RBMS3: variants seen among roughly 807,000 people sequenced by gnomAD.
The protein encoded by RBMS3 is RNA binding motif single stranded interacting protein 3, also known as RNA-binding motif, single-stranded-interacting protein 3.
In RBMS3, 27 loss-of-function variants were observed where a neutral mutation model predicts 66.8. That is an observed-to-expected ratio of 0.40 (90% CI 0.30 to 0.56). The LOEUF (loss-of-function observed/expected upper bound fraction) is 0.56. Ranked by LOEUF, RBMS3 falls within the 20% of genes least tolerant of loss-of-function variation. The pLI, the probability that RBMS3 is intolerant of heterozygous loss-of-function variation, is 0.40. For synonymous variants in RBMS3, 188 were observed against 183.0 expected, an observed-to-expected ratio of 1.03 and a Z score of -0.22; for missense variants, 513 against 549.5, an observed-to-expected ratio of 0.93 and a Z score of 0.66.
At chr3:29,574,761 C>A (rs1321981455) in intron 3 of RBMS3, among the ~76,000 whole-genome samples, 1 of 151,334 alleles carries the variant, frequency 6.6e-6, no homozygotes, top group Non-Finnish European at 1.5e-5. Flanking sequence ...TACAGTGAGG[C>A]TTCCAAATAC....
At chr3:29,738,416 T>G (rs1167363309) in intron 4 of RBMS3, among the ~76,000 whole-genome samples, 1 of 152,224 alleles carries the variant, frequency 6.6e-6, no homozygotes, top group Non-Finnish European at 1.5e-5. Flanking sequence ...TGTCAAGTTT[T>G]TGACTGTTTT....
intron 6 of RBMS3, among the ~76,000 whole-genome samples, chr3:29,829,038 C>CTT (rs1553681271): frequency 1.3e-4 from 5 of 38,524 alleles, no homozygotes; most frequent in African/African-American, 4.5e-4. Flanking sequence ...TTCTTTCTTT[C>CTT]TTTCTTTCTT....
At chr3:29,850,247 G>A (rs999826082) in intron 6 of RBMS3, among the ~76,000 whole-genome samples, 2 of 152,154 alleles carry the variant, frequency 1.3e-5, no homozygotes, top group Non-Finnish European at 2.9e-5. Context: ...TGTTCTGTTA[G>A]TTTCTTTAAG....
chr3:29,670,485 G>T (rs748551953), intron 4 of RBMS3, among the ~76,000 whole-genome samples: 2 of 152,168 alleles, frequency 1.3e-5, no homozygotes, highest in East Asian at 3.9e-4. Flanking sequence ...AGGGGTCAGG[G>T]AATTCCCTCT....
intron 3 of RBMS3, among the ~76,000 whole-genome samples, chr3:29,525,646 C>T (rs901529437): frequency 6.6e-6 from 1 of 152,218 alleles, no homozygotes; most frequent in African/African-American, 2.4e-5. Flanking sequence ...TCCACTCCCA[C>T]TATGGCTCAA....
intron 2 of RBMS3, among the ~76,000 whole-genome samples, chr3:29,458,355 C>G (rs2042263312): frequency 6.6e-6 from 1 of 152,254 alleles, no homozygotes; most frequent in South Asian, 2.1e-4. Flanking sequence ...CGTAATGACT[C>G]ATGGTTTATT....
At chr3:29,695,855 C>T (rs1391379434) in intron 4 of RBMS3, among the ~76,000 whole-genome samples, 1 of 152,184 alleles carries the variant, frequency 6.6e-6, no homozygotes, top group African/African-American at 2.4e-5. Flanking sequence ...TAAACCAGTT[C>T]CCACAGTAAA....
At chr3:29,765,558 T>G (rs1488880673) in intron 6 of RBMS3, among the ~76,000 whole-genome samples, 2 of 152,102 alleles carry the variant, frequency 1.3e-5, no homozygotes, top group African/African-American at 4.8e-5. Context: ...TTGACATATT[T>G]GAATTCAGAA....
rs1699747474 is a variant in RBMS3 at position 30,004,539 on chromosome 3, C to A, written c.*677C>A. ...TTTTTAGGGTGAAGAAAAAACTGTA[C>A]AGTTTAAATGAAAATGTTTTTCTTC... On this transcript the variant is annotated 3_prime_UTR_variant, in exon 15 of 15. Transcript: ENST00000383767. 6.6e-6 allele frequency: 1 copy of A among 152,008 alleles called. No individual in the cohort carries two copies. The highest frequency in any genetic ancestry group is 1.5e-5 in the Non-Finnish European group (1 of 67,738). 9.4% of individuals were successfully genotyped at this position (152,008 alleles called of 1,614,324 possible).
intron 1 of RBMS3, among the ~76,000 whole-genome samples, chr3:29,294,843 C>A (rs952647259): frequency 6.6e-6 from 1 of 151,556 alleles, no homozygotes; most frequent in Non-Finnish European, 1.5e-5. Flanking sequence ...AACTGTTAAC[C>A]AATTTTGGAC....
chr3:29,951,563 C>T (rs1406027330), intron 12 of RBMS3, among the ~76,000 whole-genome samples: 1 of 151,628 alleles, frequency 6.6e-6, no homozygotes, highest in Non-Finnish European at 1.5e-5. Flanking sequence ...AAGGGCGTGA[C>T]TCATGATCGA....
chr3:29,372,217 C>A (rs2038242565), intron 1 of RBMS3, among the ~76,000 whole-genome samples: 1 of 152,146 alleles, frequency 6.6e-6, no homozygotes, highest in Non-Finnish European at 1.5e-5. Flanking sequence ...GTAGTCCCAG[C>A]TACTCAGGAG....
In RBMS3 at chr3:29,574,283, C is replaced by T. The variant is rs768636088; in HGVS notation, c.308-12831C>T. On this transcript the variant is annotated intron_variant, in intron 3 of 14. Transcript: ENST00000383767. ...TATTTAGAATTGTTATGTTCTTATGCTGGATTGACCCCTTTATCATTATGT... is the reference window on the plus strand; with the variant it reads ...TATTTAGAATTGTTATGTTCTTATGTTGGATTGACCCCTTTATCATTATGT... Among the ~76,000 whole-genome samples the T allele has an allele frequency of 3.3e-5, 5 of 152,198 alleles. No homozygotes were observed. The East Asian group carries it at 5.8e-4, about 18-fold the overall frequency.
chr3:29,859,183 A>G (rs1412986281), intron 6 of RBMS3, among the ~76,000 whole-genome samples: 1 of 152,194 alleles, frequency 6.6e-6, no homozygotes, highest in African/African-American at 2.4e-5. Context: ...AATATAATCC[A>G]GGTGATTTGT....
intron 1 of RBMS3, among the ~76,000 whole-genome samples, chr3:29,323,429 T>A (rs577748963): frequency 1.3e-5 from 2 of 152,272 alleles, no homozygotes; most frequent in South Asian, 4.2e-4. Context: ...TGGACAGAGC[T>A]GATTTAATAA....
At chr3:29,620,643 A>G (rs2048833895) in intron 4 of RBMS3, among the ~76,000 whole-genome samples, 1 of 152,028 alleles carries the variant, frequency 6.6e-6, no homozygotes, top group Non-Finnish European at 1.5e-5. Context: ...TTTAACTAAA[A>G]TTTTATTTTG....
chr3:29,848,092 A>C (rs2058834659), intron 6 of RBMS3, among the ~76,000 whole-genome samples: 1 of 152,114 alleles, frequency 6.6e-6, no homozygotes, highest in African/African-American at 2.4e-5. Flanking sequence ...TAAGTCTCTG[A>C]ATGAAGGAAT....
At chr3:29,960,520 G>T (rs1696355743) in intron 12 of RBMS3, among the ~76,000 whole-genome samples, 1 of 152,208 alleles carries the variant, frequency 6.6e-6, no homozygotes, top group Non-Finnish European at 1.5e-5. Context: ...CCAGTAGGCA[G>T]TGCCCCAGGG....
intron 4 of RBMS3, among the ~76,000 whole-genome samples, chr3:29,705,024 T>C (rs1329367968): frequency 6.6e-6 from 1 of 152,224 alleles, no homozygotes; most frequent in African/African-American, 2.4e-5. Flanking sequence ...GGGAATGCTT[T>C]CTGGAGTCAG....
Sources: gnomAD v4.1 joint callset for allele counts (sites outside exome capture counted in the v4.1 genomes callset) on GRCh38, gnomAD v4.1.1 for gene constraint, MANE v1.5 for transcripts, NCBI Gene and HGNC (gene_info 2026-07-23, HGNC 2026-07-21) for gene names.